Variants in DOP1A observed in about 807,000 individuals in gnomAD.
DOP1A encodes the protein protein DOP1A.
DOP1A carries 90 observed loss-of-function variants against 267.6 expected under a neutral mutation model. The ratio of observed to expected loss-of-function variants is 0.34; its 90% CI spans 0.28 to 0.40. The LOEUF is 0.40. Ranked by LOEUF, DOP1A falls within the 10% of genes least tolerant of loss-of-function variation. The probability of loss-of-function intolerance (pLI) is 1.00; values close to 1 mark genes in which losing one functional copy is unlikely to be tolerated. For missense variants in DOP1A, 2,437 were observed against 2,900.4 expected, an observed-to-expected ratio of 0.84 and a Z score of 3.67; for synonymous variants, 932 against 999.1, an observed-to-expected ratio of 0.93 and a Z score of 1.27.
Position 83,132,192 on chromosome 6 carries a change from T to C in DOP1A, c.2633T>C (p.Leu878Ser). 1.9e-6 allele frequency: 3 copies of C among 1,611,046 alleles called. No individual in the cohort carries two copies. The African/African-American group carries it at 4.0e-5, about 21-fold the overall frequency. ...TTTTTATAGCATGTAGCTTTAACAT[T>C]GTGGGACCAGTTGGGAGATGGGACA... ...TEFFKHVALT[L>S]WDQLGDGTPQ... The change falls in exon 18 of 39, where the codon TTG (leucine) becomes TCG (serine). Residue 878 changes from leucine (L) to serine (S), a missense_variant. Leu to Ser is a moderately radical substitution (Grantham distance 145). This residue lies in a region of DOP1A where 878 missense variants were observed against 992.9 expected (regional missense o/e 0.88). Coordinates refer to ENST00000349129, the MANE Select transcript of DOP1A (RefSeq NM_015018.4).
chr6:83,145,647 G>A lies in DOP1A; in HGVS notation c.5665G>A (p.Ala1889Thr). 6.2e-7 allele frequency: 1 copy of A among 1,612,920 alleles called. No individual in the cohort carries two copies. Among genetic ancestry groups the A allele is most frequent in the Non-Finnish European group, 8.5e-7 (1 of 1,179,496 alleles). ...AGTTTTAAAGCAGCCACCAGCCATA[G>A]CCAAGGACAAGGTAAGAAAAAACTC... ...KEVLKQPPAI[A>T]KDKKHLSLEV... is the part of the protein sequence containing the mutation. The change falls in exon 25 of 39, where the codon GCC (alanine) becomes ACC (threonine). Residue 1889 changes from alanine to threonine, a missense_variant. Around this residue, in one of 9 missense-constraint regions of DOP1A, gnomAD observed 307 missense variants for 308.6 expected, o/e 0.99. Coordinates refer to ENST00000349129, the MANE Select transcript of DOP1A (RefSeq NM_015018.4).
chr6:83,070,953 G>T (rs1002386699), intron 1 of DOP1A, among the ~76,000 whole-genome samples: 3 of 152,096 alleles, frequency 2.0e-5, no homozygotes, highest in African/African-American at 7.2e-5. Context: ...ATATTTTAAA[G>T]GAAACTTGGA....
intron 4 of DOP1A, among the ~76,000 whole-genome samples, chr6:83,106,377 G>A (rs1773604995): frequency 6.6e-6 from 1 of 152,136 alleles, no homozygotes; most frequent in South Asian, 2.1e-4. Context: ...GAAGCCAAGA[G>A]AATAATTGAA....
Position 83,071,335 on chromosome 6 carries a change from T to G in DOP1A, c.-147+3556T>G, listed in dbSNP as rs139180538. Among the ~76,000 whole-genome samples the G allele has an allele frequency of 5.2e-4, 79 of 152,186 alleles. No individual in the cohort carries two copies. In the Middle Eastern group the frequency reaches 0.017, roughly 33 times the overall value. On this transcript the variant is annotated intron_variant, in intron 1 of 38. Transcript: ENST00000349129. Reference sequence around the variant, plus strand: ...TATTCTCCTGCCTCAGCCTCCTGATTAGCTGGTATTACAGGCACCCACCAT... The same window carrying G: ...TATTCTCCTGCCTCAGCCTCCTGATGAGCTGGTATTACAGGCACCCACCAT...
chr6:83,084,438 G>T (rs192855585), intron 1 of DOP1A, among the ~76,000 whole-genome samples: 74 of 152,248 alleles, frequency 4.9e-4, no homozygotes, highest in Middle Eastern at 6.8e-3. Context: ...TTCCCATCAA[G>T]CAATGCATGA....
chr6:83,079,625 T>A (rs1767731000), intron 1 of DOP1A, among the ~76,000 whole-genome samples: 2 of 152,198 alleles, frequency 1.3e-5, no homozygotes, highest in Non-Finnish European at 2.9e-5. Context: ...TACTAATTTT[T>A]AAATATATTG....
intron 3 of DOP1A, among the ~76,000 whole-genome samples, chr6:83,100,004 A>G (rs1026381247): frequency 6.6e-6 from 1 of 152,112 alleles, no homozygotes; most frequent in Admixed American, 6.6e-5. Flanking sequence ...TCTAGGTTCA[A>G]ACTAAAGGAT....
chr6:83,112,379 T>TAC (rs1774711938), intron 6 of DOP1A, among the ~76,000 whole-genome samples: 2 of 151,930 alleles, frequency 1.3e-5, no homozygotes, highest in African/African-American at 4.8e-5. Context: ...TATATATATA[T>TAC]ATATAAAGCT....
chr6:83,156,638 C>G (rs576261490), intron 34 of DOP1A, among the ~76,000 whole-genome samples: 78 of 152,280 alleles, frequency 5.1e-4, no homozygotes, highest in African/African-American at 1.8e-3. Context: ...GGGGATTTAT[C>G]CAGAACAGAA....
intron 29 of DOP1A, 69 bp from the exon 30 acceptor site, chr6:83,152,219 C>A: frequency 1.2e-6 from 1 of 842,200 alleles, no homozygotes; most frequent in South Asian, 1.9e-5. Flanking sequence ...AATACACACA[C>A]ACACACACAC....
At chr6:83,128,718 T>C (rs1365315191) in intron 15 of DOP1A, among the ~76,000 whole-genome samples, 169 bp from the exon 16 acceptor site, 2 of 152,224 alleles carry the variant, frequency 1.3e-5, no homozygotes, top group Non-Finnish European at 2.9e-5. Flanking sequence ...GTGTAGTGCA[T>C]AGTAAATACT....
rs777781332 is a variant in DOP1A at position 83,153,628 on chromosome 6, C to T, written c.6239+8C>T. 1 of 1,553,414 alleles carries T rather than the reference C, an allele frequency of 6.4e-7. No homozygotes were observed. The highest frequency in any genetic ancestry group is 2.3e-5 in the East Asian group (1 of 43,638). ...CTACCTCAGAAATCACAGGTACTAT[C>T]ATTATTTAAATAGTTTTTAAAATTA... On this transcript the variant is annotated splice_region_variant and intron_variant, in intron 31 of 38. Coordinates refer to ENST00000349129, the MANE Select transcript of DOP1A (RefSeq NM_015018.4).
intron 27 of DOP1A, 87 bp downstream of exon 27, chr6:83,148,950 T>C (rs957439051): frequency 1.7e-5 from 13 of 753,044 alleles, no homozygotes; most frequent in Non-Finnish European, 2.4e-5. Flanking sequence ...ATATTTTAGG[T>C]GACAGTGATC....
At position 83,120,797 on chromosome 6, in the gene DOP1A, G is replaced by T; in HGVS notation, c.1099+6G>T. Reference sequence around the variant, plus strand: ...ACTGGACAAACCTGAGCTAGGTAATGTATACTGTCCTAGGGCATAAGGTCA... The same window carrying T: ...ACTGGACAAACCTGAGCTAGGTAATTTATACTGTCCTAGGGCATAAGGTCA... On this transcript the variant is annotated splice_donor_region_variant and intron_variant, in intron 10 of 38. Coordinates refer to ENST00000349129, the MANE Select transcript of DOP1A (RefSeq NM_015018.4). 1 of 1,554,790 alleles carries T rather than the reference G, an allele frequency of 6.4e-7. No individual in the cohort carries two copies. The highest frequency in any genetic ancestry group is 8.8e-7 in the Non-Finnish European group (1 of 1,137,904).
At chr6:83,136,015 A>G (rs1778815986) in intron 20 of DOP1A, 137 bp downstream of exon 20, 4 of 1,024,582 alleles carry the variant, frequency 3.9e-6, no homozygotes, top group Non-Finnish European at 5.6e-6. Flanking sequence ...CTCATGCACT[A>G]GCAATGCTGT....
rs538752559 is a variant in DOP1A at position 83,129,360 on chromosome 6, G to A, written c.2193G>A (p.Glu731=). Residue 731 remains glutamate (E), a synonymous_variant, in exon 16 of 39, where the codon GAG becomes GAA. Coordinates refer to ENST00000349129, the MANE Select transcript of DOP1A (RefSeq NM_015018.4). ...WDRNSQGDVK[E]KNISKQKTSK... is the part of the protein sequence containing the mutation. ...GAAATTCACAAGGAGATGTAAAAGA[G>A]AAAAACATAAGTAAACAAAAAACTT... 1.2e-6 allele frequency: 2 copies of A among 1,610,570 alleles called. No homozygotes were observed. Among genetic ancestry groups the A allele is most frequent in the Admixed American group, 1.7e-5 (1 of 59,252 alleles).
chr6:83,094,182 T>C lies in DOP1A; in HGVS notation c.-146-2549T>C, dbSNP rs572744475. The stretch of plus-strand genomic sequence containing the variant: ...GAATCATATACTATGTGGTCTTATG[T>C]CAATGGCTTCTTTCACTTACAATGT... On this transcript the variant is annotated intron_variant, in intron 1 of 38. Transcript: ENST00000349129. Among the ~76,000 whole-genome samples, 14 of 152,300 alleles carry C rather than the reference T, an allele frequency of 9.2e-5. No homozygotes were observed. In the South Asian group the frequency reaches 1.7e-3, roughly 18 times the overall value.
rs1421413107 is a variant in DOP1A at position 83,138,213 on chromosome 6, A to G, written c.4171A>G (p.Ile1391Val). The G allele has an allele frequency of 2.5e-6, 4 of 1,613,758 alleles. No homozygotes were observed. Among genetic ancestry groups the G allele is most frequent in the Non-Finnish European group, 3.4e-6 (4 of 1,179,874 alleles). ...GTATGCTTTCTCTGCCATCAAAGCCATCTTGAAAACTAACCCTATAGCTTT... is the reference window on the plus strand; with the variant it reads ...GTATGCTTTCTCTGCCATCAAAGCCGTCTTGAAAACTAACCCTATAGCTTT... ...TLYAFSAIKA[I>V]LKTNPIAFVN... The change falls in exon 21 of 39, where the codon ATC (isoleucine) becomes GTC (valine). Residue 1391 changes from isoleucine (I) to valine (V), a missense_variant. Ile to Val is a conservative substitution (Grantham distance 29). Coordinates refer to ENST00000349129, the MANE Select transcript of DOP1A (RefSeq NM_015018.4).
chr6:83,160,100 A>C (rs550806976), intron 37 of DOP1A, 140 bp downstream of exon 37: 1 of 829,328 alleles, frequency 1.2e-6, no homozygotes, highest in East Asian at 2.6e-5. Flanking sequence ...CTTTTGGCAC[A>C]GCAGAGTTAT....
Sources: allele counts gnomAD v4.1 joint callset (sites outside exome capture counted in the v4.1 genomes callset), GRCh38; gene constraint gnomAD v4.1.1; regional missense constraint gnomAD v4.1.1; transcripts MANE v1.5; gene names NCBI Gene and HGNC (gene_info 2026-07-23, HGNC 2026-07-21).